The following DRC11 variants were observed in gnomAD, a reference collection of about 807,000 sequenced individuals.
DRC11 encodes dynein regulatory complex subunit 11.
At chr2:236,343,653 G>A in the DRC11 span, 14 of 1,117,806 alleles carry the variant, frequency 1.3e-5, no homozygotes, top group Admixed American at 3.2e-4. The surrounding 1 kb of genome is among the most constrained non-coding windows in gnomAD (Gnocchi z 6.6). Flanking sequence ...TCTCTTAGAC[G>A]TGGGACCTGG....
At chr2:236,359,088 G>A in the DRC11 span, among the ~76,000 whole-genome samples, 1 of 152,100 alleles carries the variant, frequency 6.6e-6, no homozygotes, top group African/African-American at 2.4e-5. This position sits in a 1 kb window ranked among gnomAD's most constrained non-coding sequence, Gnocchi z 4.3. Context: ...CCAGGGCAGG[G>A]CGCAGGGAAG....
chr2:236,459,555 G>GTATATACGTATATACGTA, the DRC11 span, among the ~76,000 whole-genome samples: 2 of 119,044 alleles, frequency 1.7e-5, no homozygotes, highest in African/African-American at 6.4e-5. Flanking sequence ...ACGTATACAT[G>GTATATACGTATATACGTA]TATACGTATA....
At chr2:236,332,272 C>T in the DRC11 span, 1 of 152,218 alleles carries the variant, frequency 6.6e-6, no homozygotes, top group East Asian at 1.9e-4. The surrounding 1 kb of genome is among the most constrained non-coding windows in gnomAD (Gnocchi z 5.1). Flanking sequence ...AATCTGAACA[C>T]AGGGATGCTG....
the DRC11 span, among the ~76,000 whole-genome samples, chr2:236,358,328 A>C: frequency 7.4e-6 from 1 of 134,442 alleles, no homozygotes; most frequent in Non-Finnish European, 1.5e-5. Flanking sequence ...CTATATGAAT[A>C]TATATGATAT....
chr2:236,491,862 A>T, the DRC11 span, among the ~76,000 whole-genome samples: 3 of 152,152 alleles, frequency 2.0e-5, no homozygotes, highest in African/African-American at 7.2e-5. Flanking sequence ...TATGGTTTAA[A>T]CGTGTCCCAC....
the DRC11 span, among the ~76,000 whole-genome samples, chr2:236,386,544 C>G: frequency 6.6e-6 from 1 of 151,958 alleles, no homozygotes; most frequent in Non-Finnish European, 1.5e-5. Context: ...CTATTTGATT[C>G]TTCTCTCTTT....
chr2:236,449,476 T>C, the DRC11 span, among the ~76,000 whole-genome samples: 2 of 152,184 alleles, frequency 1.3e-5, no homozygotes, highest in Non-Finnish European at 2.9e-5. This position sits in a 1 kb window ranked among gnomAD's most constrained non-coding sequence, Gnocchi z 5.1. Context: ...TGCCATTTCC[T>C]TATCGTACCT....
chr2:236,389,534 G>A, the DRC11 span, among the ~76,000 whole-genome samples: 1 of 152,146 alleles, frequency 6.6e-6, no homozygotes, highest in Non-Finnish European at 1.5e-5. Flanking sequence ...CGACCGGTGC[G>A]CGCACCCACT....
the DRC11 span, among the ~76,000 whole-genome samples, chr2:236,431,797 A>G: frequency 6.6e-6 from 1 of 152,212 alleles, no homozygotes; most frequent in African/African-American, 2.4e-5. This position sits in a 1 kb window ranked among gnomAD's most constrained non-coding sequence, Gnocchi z 4.2. Context: ...ATAAAGTTGC[A>G]TGGATATACC....
chr2:236,502,789 T>C, the DRC11 span, among the ~76,000 whole-genome samples: 1 of 151,598 alleles, frequency 6.6e-6, no homozygotes. Context: ...ACCCTGTCTC[T>C]ACTAAAATCA....
the DRC11 span, chr2:236,392,225 A>C: frequency 5.9e-6 from 9 of 1,520,922 alleles, no homozygotes; most frequent in Non-Finnish European, 7.3e-6. This position sits in a 1 kb window ranked among gnomAD's most constrained non-coding sequence, Gnocchi z 5.1. Flanking sequence ...CTGTTACTAC[A>C]CCATAAACGT....
At chr2:236,403,621 G>T in the DRC11 span, among the ~76,000 whole-genome samples, 2 of 152,088 alleles carry the variant, frequency 1.3e-5, no homozygotes, top group South Asian at 4.1e-4. Context: ...GTGTAACATG[G>T]TATTTAAAAA....
the DRC11 span, among the ~76,000 whole-genome samples, chr2:236,445,377 G>A: frequency 1.3e-5 from 2 of 152,030 alleles, no homozygotes; most frequent in African/African-American, 4.8e-5. This position sits in a 1 kb window ranked among gnomAD's most constrained non-coding sequence, Gnocchi z 4.8. Context: ...CTGTCGCCCA[G>A]GCTGGAGTGC....
the DRC11 span, among the ~76,000 whole-genome samples, chr2:236,459,608 CGT>C: frequency 9.2e-6 from 1 of 108,314 alleles, no homozygotes; most frequent in Non-Finnish European, 2.1e-5. Flanking sequence ...TACATATATA[CGT>C]ATATAAGTAT....
At chr2:236,408,868 CCTT>C in the DRC11 span, 1 of 653,336 alleles carries the variant, frequency 1.5e-6, no homozygotes, top group South Asian at 1.6e-5. The surrounding 1 kb of genome is among the most constrained non-coding windows in gnomAD (Gnocchi z 5.5). Flanking sequence ...TCTACCACCT[CCTT>C]CTTGTTCACG....
chr2:236,432,026 GCAA>G, the DRC11 span, among the ~76,000 whole-genome samples: 1 of 152,110 alleles, frequency 6.6e-6, no homozygotes, highest in South Asian at 2.1e-4. Flanking sequence ...TTCCAAAGTG[GCAA>G]CATTTTACAT....
At chr2:236,457,078 G>A in the DRC11 span, among the ~76,000 whole-genome samples, 1 of 152,230 alleles carries the variant, frequency 6.6e-6, no homozygotes, top group Non-Finnish European at 1.5e-5. This position sits in a 1 kb window ranked among gnomAD's most constrained non-coding sequence, Gnocchi z 4.7. Flanking sequence ...ACCCCTTTAC[G>A]ATACTTTAAC....
At chr2:236,343,767 C>T in the DRC11 span, 407 of 1,302,502 alleles carry the variant, frequency 3.1e-4, no homozygotes, top group African/African-American at 4.6e-3. The surrounding 1 kb of genome is among the most constrained non-coding windows in gnomAD (Gnocchi z 6.6). Flanking sequence ...GAGTGAACTA[C>T]AAGAGTCCCA....
chr2:236,343,228 C>A, the DRC11 span, among the ~76,000 whole-genome samples: 1 of 152,092 alleles, frequency 6.6e-6, no homozygotes, highest in Non-Finnish European at 1.5e-5. The surrounding 1 kb of genome is among the most constrained non-coding windows in gnomAD (Gnocchi z 6.6). Flanking sequence ...TCTCAGAGGC[C>A]CCCTCTCAGC....
Sources: gnomAD v4.1 joint callset for allele counts (sites outside exome capture counted in the v4.1 genomes callset) on GRCh38, gnomAD v4.1.1 for gene constraint, Gnocchi (gnomAD v3.1) non-coding constraint, MANE v1.5 for transcripts, NCBI Gene and HGNC (gene_info 2026-07-23, HGNC 2026-07-21) for gene names.